The following SLC1A1 variants were observed in gnomAD, a reference collection of about 807,000 sequenced individuals.
SLC1A1 encodes excitatory amino acid transporter 3.
Under a neutral mutation model 53.3 loss-of-function variants are expected in SLC1A1, and 43 were observed. The observed-to-expected ratio is 0.81, with a 90% CI of 0.63 to 1.04. The LOEUF is 1.04. SLC1A1 is among the 50% of genes least tolerant of loss of function. The pLI, the probability that SLC1A1 is intolerant of heterozygous loss-of-function variation, is 0.00. For missense variants in SLC1A1, 748 were observed against 664.9 expected (o/e 1.12, Z -1.37); for synonymous variants, 307 against 243.2 (o/e 1.26, Z -2.44).
chr9:4,561,742 T>C (rs945003037), intron 3 of SLC1A1, among the ~76,000 whole-genome samples: 1 of 152,048 alleles, frequency 6.6e-6, no homozygotes, highest in Non-Finnish European at 1.5e-5. Flanking sequence ...TACAAAAATA[T>C]TAGCCGGGTA....
chr9:4,499,314 G>A (rs993593739), intron 1 of SLC1A1, among the ~76,000 whole-genome samples: 21 of 151,882 alleles, frequency 1.4e-4, no homozygotes, highest in African/African-American at 3.6e-4. Context: ...CAAAGTGCTG[G>A]GATTACAGGC....
chr9:4,518,135 C>G (rs1388096699), intron 1 of SLC1A1, among the ~76,000 whole-genome samples: 1 of 143,108 alleles, frequency 7.0e-6, no homozygotes, highest in Non-Finnish European at 1.5e-5. Context: ...ACTCAGGAGG[C>G]TGAGGCAGGA....
rs301435 is a variant in SLC1A1, at chr9:4,582,843, T to C, written c.1194-195T>C. On this transcript the variant is annotated intron_variant, in intron 10 of 11. Transcript: ENST00000262352. ...CAAGGAGATGGCATCATACCCCTCA[T>C]AGTCCCCCTCCCCCCACAGCTCTAA... 0.55 allele frequency among the ~76,000 whole-genome samples: 83,032 copies of C among 151,992 alleles called. 23,580 individuals are homozygous for C. The highest frequency in any genetic ancestry group is 0.86 in the East Asian group (4,439 of 5,174).
rs767046308 is a variant in SLC1A1 at position 4,544,644 on chromosome 9, G to A, written c.169G>A (p.Glu57Lys). The A allele has an allele frequency of 1.5e-5, 24 of 1,613,636 alleles. No individual in the cohort carries two copies. The highest frequency in any genetic ancestry group is 2.7e-5 in the African/African-American group (2 of 74,884). Residue 57 changes from glutamate (E) to lysine (K), a missense_variant, in exon 2 of 12, where the codon GAA (glutamate) becomes AAA (lysine). By Grantham distance (56) the Glu-to-Lys change is moderately conservative (BLOSUM62 1). Coordinates refer to ENST00000262352, the MANE Select transcript of SLC1A1 (RefSeq NM_004170.6). ...LEKFYFAFPG[E>K]ILMRMLKLII... is the part of the protein sequence containing the mutation. ...GAAATTCTACTTTGCTTTTCCTGGA[G>A]AAATTCTAATGCGGATGCTGAAACT...
intron 7 of SLC1A1, among the ~76,000 whole-genome samples, chr9:4,572,798 T>C (rs1168559483): frequency 1.3e-5 from 2 of 152,094 alleles, no homozygotes; most frequent in Admixed American, 6.5e-5. Flanking sequence ...ATCTACCCAC[T>C]TCATCCTCCC....
intron 6 of SLC1A1, among the ~76,000 whole-genome samples, chr9:4,571,630 T>C (rs879743701): frequency 3.9e-5 from 6 of 152,018 alleles, no homozygotes; most frequent in Admixed American, 3.9e-4. Flanking sequence ...TGAACTGAGA[T>C]ACCACCACTG....
At chr9:4,578,843 G>C (rs1820802232) in intron 10 of SLC1A1, among the ~76,000 whole-genome samples, 1 of 152,198 alleles carries the variant, frequency 6.6e-6, no homozygotes. Context: ...CACTATGTTA[G>C]AGTGATAGGC....
At chr9:4,538,085 T>G (rs1024742496) in intron 1 of SLC1A1, among the ~76,000 whole-genome samples, 1 of 152,132 alleles carries the variant, frequency 6.6e-6, no homozygotes, top group Non-Finnish European at 1.5e-5. Flanking sequence ...ATATAGTATG[T>G]GTTTAGTATA....
chr9:4,533,654 A>T (rs1586721614), intron 1 of SLC1A1, among the ~76,000 whole-genome samples: 1 of 152,140 alleles, frequency 6.6e-6, no homozygotes, highest in South Asian at 2.1e-4. Context: ...AGACAGATCA[A>T]CGAGACAGAA....
chr9:4,535,459 T>C (rs941068791), intron 1 of SLC1A1, among the ~76,000 whole-genome samples: 4 of 152,172 alleles, frequency 2.6e-5, no homozygotes, highest in African/African-American at 7.2e-5. Context: ...CCATTCACAA[T>C]TGCTTCAAAG....
At chr9:4,553,722 G>A (rs1197873098) in intron 2 of SLC1A1, 4 of 152,164 alleles carry the variant, frequency 2.6e-5, no homozygotes, top group Non-Finnish European at 4.4e-5. Context: ...AGCTGACAGA[G>A]GCTTCAAGGG....
intron 1 of SLC1A1, among the ~76,000 whole-genome samples, chr9:4,510,904 C>T (rs920316014): frequency 6.6e-6 from 1 of 152,184 alleles, no homozygotes; most frequent in East Asian, 1.9e-4. Context: ...CCACCGTAAA[C>T]AAATTGAGAG....
At chr9:4,570,687 A>C (rs1381974205) in intron 6 of SLC1A1, among the ~76,000 whole-genome samples, 1 of 152,136 alleles carries the variant, frequency 6.6e-6, no homozygotes, top group African/African-American at 2.4e-5. Flanking sequence ...ATTCTTTATA[A>C]ACATAGTTGG....
chr9:4,576,886 C>A lies in SLC1A1; in HGVS notation c.1193+123C>A, dbSNP rs1820598763. The A allele has an allele frequency of 2.0e-5, 19 of 939,992 alleles. No individual in the cohort carries two copies. The South Asian group carries it at 2.5e-4, about 12-fold the overall frequency. 58.2% of individuals were successfully genotyped at this position (939,992 alleles called of 1,614,324 possible). A position where few individuals can be genotyped will look rare whatever the true frequency, so the allele number is the denominator to read the frequency against. ...ATTCTTTTTCTTGATCTATAAAGTC[C>A]CTTCCCAAGATTAAATACGACTATA... is the stretch of plus-strand genomic sequence containing the variant. On this transcript the variant is annotated intron_variant, in intron 10 of 11. Transcript: ENST00000262352.
Position 4,566,106 on chromosome 9 carries a change from G to GT in SLC1A1, c.483+18dup. On this transcript the variant is annotated intron_variant, in intron 5 of 11. Coordinates refer to ENST00000262352, the MANE Select transcript of SLC1A1 (RefSeq NM_004170.6). Reference sequence around the variant, plus strand: ...TTTCAGCAGGTAATATTAATTACTTGTGCCCTTAACTTGCTACCCTCTTCC... The same window carrying GT: ...TTTCAGCAGGTAATATTAATTACTTGTTGCCCTTAACTTGCTACCCTCTTCC... 1 of 1,605,526 alleles carries GT rather than the reference G, an allele frequency of 6.2e-7. No homozygotes were observed. Among genetic ancestry groups the GT allele is most frequent in the Non-Finnish European group, 8.5e-7 (1 of 1,172,478 alleles).
At chr9:4,536,578 C>G (rs1554679247) in intron 1 of SLC1A1, among the ~76,000 whole-genome samples, 2 of 152,156 alleles carry the variant, frequency 1.3e-5, no homozygotes, top group Non-Finnish European at 2.9e-5. Flanking sequence ...AACAGGAACA[C>G]TTTTACACTG....
In SLC1A1 at chr9:4,578,335, T is replaced by G. The variant is rs181643954; in HGVS notation, c.1193+1572T>G. 5.9e-5 allele frequency among the ~76,000 whole-genome samples: 9 copies of G among 152,356 alleles called. No homozygotes were observed. In the East Asian group the frequency reaches 1.2e-3, roughly 20 times the overall value. ...AAAATGAATAATAGTACCTACAACT[T>G]ATTCAAGTAGTGGCAATTAAGTAAT... On this transcript the variant is annotated intron_variant, in intron 10 of 11. Coordinates refer to ENST00000262352, the MANE Select transcript of SLC1A1 (RefSeq NM_004170.6).
chr9:4,583,882 T>TCACACACA lies in SLC1A1; in HGVS notation c.1328+733_1328+740dup, dbSNP rs113177004. ...CTCTCTCTCTCTCTCTCTCTCTCTC[T>TCACACACA]CACACACACACACACACACACACAC... On this transcript the variant is annotated intron_variant, in intron 11 of 11. Coordinates refer to ENST00000262352, the MANE Select transcript of SLC1A1 (RefSeq NM_004170.6). This position sits in a 1 kb window ranked among gnomAD's most constrained non-coding sequence, Gnocchi z 4.6. Among the ~76,000 whole-genome samples the TCACACACA allele has an allele frequency of 1.7e-3, 227 of 137,040 alleles. 1 individual carries two copies. The highest frequency in any genetic ancestry group is 6.2e-3 in the African/African-American group (218 of 35,352). The allele number at this position is 137,040 out of a possible 152,430, so 89.9% of individuals were successfully genotyped here. A position where few individuals can be genotyped will look rare whatever the true frequency, so the allele number is the denominator to read the frequency against.
intron 1 of SLC1A1, among the ~76,000 whole-genome samples, chr9:4,534,821 A>G (rs972940293): frequency 6.6e-6 from 1 of 152,210 alleles, no homozygotes; most frequent in African/African-American, 2.4e-5. Flanking sequence ...AAATACTGGC[A>G]AACCAAATCC....
Sources: allele counts gnomAD v4.1 joint callset (sites outside exome capture counted in the v4.1 genomes callset), GRCh38; gene constraint gnomAD v4.1.1; non-coding constraint Gnocchi (gnomAD v3.1); transcripts MANE v1.5; gene names NCBI Gene and HGNC (gene_info 2026-07-23, HGNC 2026-07-21).